BMP2K: variants seen among roughly 807,000 people sequenced by gnomAD.
BMP2K encodes BMP2 inducible kinase, also known as BMP-2-inducible protein kinase.
Under a neutral mutation model 116.0 loss-of-function variants are expected in BMP2K, and 74 were observed. The ratio of observed to expected loss-of-function variants is 0.64; its 90% CI spans 0.53 to 0.77. BMP2K has a LOEUF of 0.77. Ranked by LOEUF, BMP2K falls within the 30% of genes least tolerant of loss-of-function variation. BMP2K has a pLI of 0.00. For missense variants in BMP2K, 1,365 were observed against 1,403.6 expected (o/e 0.97, Z 0.44); for synonymous variants, 486 against 502.5 (o/e 0.97, Z 0.44).
chr4:78,822,015 A>G (rs17003456), intron 1 of BMP2K, among the ~76,000 whole-genome samples: 2,970 of 152,306 alleles, frequency 0.02, 98 homozygotes, highest in African/African-American at 0.068. Flanking sequence ...AGTATATGCC[A>G]TATGTTCATA....
rs1245880744 is a variant in BMP2K, at chr4:78,912,708, C to A, written c.*675C>A. On this transcript the variant is annotated 3_prime_UTR_variant, in exon 16 of 16. Transcript: ENST00000502613. ...CTCAATTTAACTATTCCACAACTTA[C>A]ATATTCCAAAACAATGTTATACATG... is the stretch of plus-strand genomic sequence containing the variant. 1 of 152,128 alleles carries A rather than the reference C, an allele frequency of 6.6e-6. No individual in the cohort carries two copies. The highest frequency in any genetic ancestry group is 1.5e-5 in the Non-Finnish European group (1 of 68,016). 9.4% of individuals were successfully genotyped at this position (152,128 alleles called of 1,614,324 possible). A position where few individuals can be genotyped will look rare whatever the true frequency, so the allele number is the denominator to read the frequency against.
intron 14 of BMP2K, among the ~76,000 whole-genome samples, chr4:78,886,495 A>G (rs967231196): frequency 1.3e-5 from 2 of 152,196 alleles, no homozygotes; most frequent in African/African-American, 4.8e-5. Context: ...TATAAACTGC[A>G]TAAGGGCAGG....
rs757576380 is a variant in BMP2K, at chr4:78,911,851, C to T, written c.3304C>T (p.Arg1102Trp). The T allele has an allele frequency of 1.4e-5, 22 of 1,613,974 alleles. 1 individual carries two copies. Among genetic ancestry groups the T allele is most frequent in the Middle Eastern group, 1.7e-4 (1 of 6,060 alleles). Residue 1102 changes from arginine (R) to tryptophan (W), a missense_variant, in exon 16 of 16, where the codon CGG becomes TGG. By Grantham distance (101) the Arg-to-Trp change is moderately radical. Around this residue, in one of 3 missense-constraint regions of BMP2K, gnomAD observed 596 missense variants for 623.2 expected, o/e 0.96. Coordinates refer to ENST00000502613, the MANE Select transcript of BMP2K (RefSeq NM_198892.2). The stretch of plus-strand genomic sequence containing the variant: ...TGATCACAATACTGTCCTGCCAGGG[C>T]GGCCAAGACAAAATTCACTACATGG... ...RADHNTVLPG[R>W]PRQNSLHGSF...
At chr4:78,797,065 C>G (rs576159680) in intron 1 of BMP2K, among the ~76,000 whole-genome samples, 1 of 152,272 alleles carries the variant, frequency 6.6e-6, no homozygotes, top group East Asian at 1.9e-4. Flanking sequence ...ATGAATACCT[C>G]TGGCCTGTTT....
intron 1 of BMP2K, among the ~76,000 whole-genome samples, chr4:78,784,810 A>G (rs905804920): frequency 6.6e-6 from 1 of 152,198 alleles, no homozygotes; most frequent in African/African-American, 2.4e-5. Context: ...TCTGCCTCTA[A>G]CTTGCATTGT....
At chr4:78,800,493 T>G (rs1487153434) in intron 1 of BMP2K, among the ~76,000 whole-genome samples, 1 of 152,218 alleles carries the variant, frequency 6.6e-6, no homozygotes, top group Non-Finnish European at 1.5e-5. Context: ...GGTCTTTGTT[T>G]GCTAGTCTTA....
At chr4:78,816,753 A>G (rs893209582) in intron 1 of BMP2K, among the ~76,000 whole-genome samples, 1 of 151,946 alleles carries the variant, frequency 6.6e-6, no homozygotes, top group Non-Finnish European at 1.5e-5. Context: ...AAGCATTTAA[A>G]AAATTCCCTC....
intron 1 of BMP2K, among the ~76,000 whole-genome samples, chr4:78,824,482 T>A (rs1421986985): frequency 1.3e-5 from 2 of 152,160 alleles, no homozygotes. Flanking sequence ...TTAGATCTTG[T>A]GAGAGTTATT....
At chr4:78,860,453 A>G (rs1470158872) in intron 8 of BMP2K, among the ~76,000 whole-genome samples, 1 of 151,894 alleles carries the variant, frequency 6.6e-6, no homozygotes, top group African/African-American at 2.4e-5. Flanking sequence ...CTTTTTCTGT[A>G]AAACAAGGAT....
intron 1 of BMP2K, among the ~76,000 whole-genome samples, chr4:78,799,846 G>C (rs1334724044): frequency 6.6e-6 from 1 of 152,198 alleles, no homozygotes; most frequent in African/African-American, 2.4e-5. Flanking sequence ...CAGGTTGAAA[G>C]TAGACTTCAT....
intron 2 of BMP2K, among the ~76,000 whole-genome samples, chr4:78,829,798 T>TTTTCTTTTCTTTTC: frequency 1.2e-5 from 1 of 81,974 alleles, no homozygotes; most frequent in African/African-American, 4.7e-5. Flanking sequence ...TTCTCTTCTC[T>TTTTCTTTTCTTTTC]TCTCTTCTCT....
Position 78,836,307 on chromosome 4 carries a change from C to T in BMP2K, c.403+2620C>T, listed in dbSNP as rs527237441. On this transcript the variant is annotated intron_variant, in intron 3 of 15. Transcript: ENST00000502613. Reference sequence around the variant, plus strand: ...TGGTGGACGCCTGTAGTCCCAGCTACTTGGGAGGCTGAGGCAGGAGAATGG... The same window carrying T: ...TGGTGGACGCCTGTAGTCCCAGCTATTTGGGAGGCTGAGGCAGGAGAATGG... Among the ~76,000 whole-genome samples, 43 of 151,884 alleles carry T rather than the reference C, an allele frequency of 2.8e-4. 1 individual carries two copies. The South Asian group carries it at 7.3e-3, about 26-fold the overall frequency.
chr4:78,911,860 C>A lies in BMP2K; in HGVS notation c.3313C>A (p.Gln1105Lys), dbSNP rs1481156785. 1 of 1,613,962 alleles carries A rather than the reference C, an allele frequency of 6.2e-7. No homozygotes were observed. The highest frequency in any genetic ancestry group is 8.5e-7 in the Non-Finnish European group (1 of 1,179,886). Residue 1105 changes from glutamine to lysine, a missense_variant, in exon 16 of 16, where the codon CAA becomes AAA. Coordinates refer to ENST00000502613, the MANE Select transcript of BMP2K (RefSeq NM_198892.2). ...HNTVLPGRPR[Q>K]NSLHGSFHSA... ...TACTGTCCTGCCAGGGCGGCCAAGA[C>A]AAAATTCACTACATGGGTCATTCCA... is the stretch of plus-strand genomic sequence containing the variant.
Position 78,887,143 on chromosome 4 carries a change from T to G in BMP2K, c.1952-31T>G, listed in dbSNP as rs772920764. 3 of 1,379,372 alleles carry G rather than the reference T, an allele frequency of 2.2e-6. No individual in the cohort carries two copies. The South Asian group carries it at 3.8e-5, about 18-fold the overall frequency. The allele number at this position is 1,379,372 out of a possible 1,614,324, so 85.4% of individuals were successfully genotyped here. ...TAAAGATCATTTTTATTTCATTTCA[T>G]TTTTTATTTCGTTTCATCTTATTTT... On this transcript the variant is annotated intron_variant, in intron 14 of 15. Transcript: ENST00000502613.
At chr4:78,805,663 T>C (rs1184373403) in intron 1 of BMP2K, among the ~76,000 whole-genome samples, 1 of 152,192 alleles carries the variant, frequency 6.6e-6, no homozygotes, top group Non-Finnish European at 1.5e-5. Flanking sequence ...TGTTCATTGC[T>C]AGTGTATAGA....
intron 9 of BMP2K, among the ~76,000 whole-genome samples, chr4:78,863,655 G>GT (rs1306747042): frequency 6.6e-6 from 1 of 152,126 alleles, no homozygotes; most frequent in Non-Finnish European, 1.5e-5. Flanking sequence ...AAACAGCTCT[G>GT]TGACTGTTGT....
rs371672341 is a variant in BMP2K, at chr4:78,793,177, C to T, written c.178+16456C>T. Among the ~76,000 whole-genome samples the T allele has an allele frequency of 5.3e-5, 8 of 151,916 alleles. No individual in the cohort carries two copies. In the East Asian group the frequency reaches 5.8e-4, roughly 11 times the overall value. ...CTGTAATCCCAGCACTTTGGGAGGT[C>T]GAGGCGGGCGGATCACGAGGTCAGG... On this transcript the variant is annotated intron_variant, in intron 1 of 15. Transcript: ENST00000502613.
intron 11 of BMP2K, 32 bp from the exon 12 acceptor site, chr4:78,871,818 T>C: frequency 2.0e-6 from 3 of 1,492,922 alleles, no homozygotes; most frequent in Non-Finnish European, 2.8e-6. Flanking sequence ...AAAAAAGGCA[T>C]AACATTTATT....
chr4:78,889,152 C>T (rs1262425912), intron 15 of BMP2K, among the ~76,000 whole-genome samples: 3 of 133,532 alleles, frequency 2.2e-5, no homozygotes, highest in Non-Finnish European at 4.6e-5. Context: ...ACCCGGGAGG[C>T]GGAGTTTGCA....
Sources: allele counts gnomAD v4.1 joint callset (sites outside exome capture counted in the v4.1 genomes callset), GRCh38; gene constraint gnomAD v4.1.1; regional missense constraint gnomAD v4.1.1; transcripts MANE v1.5; gene names NCBI Gene and HGNC (gene_info 2026-07-23, HGNC 2026-07-21).